BRD3: variants seen among roughly 807,000 people sequenced by gnomAD.
BRD3 encodes the protein bromodomain-containing protein 3.
Under a neutral mutation model 66.8 loss-of-function variants are expected in BRD3, and 17 were observed. The observed-to-expected ratio is 0.25, with a 90% CI of 0.17 to 0.38. The LOEUF (loss-of-function observed/expected upper bound fraction) is 0.38. Ranked by LOEUF, BRD3 falls within the 10% of genes least tolerant of loss-of-function variation. The pLI is 1.00. For synonymous variants in BRD3, 421 were observed against 393.2 expected, an observed-to-expected ratio of 1.07 and a Z score of -0.84; for missense variants, 713 against 956.1, an observed-to-expected ratio of 0.75 and a Z score of 3.35.
chr9:134,042,089 T>C (rs1830061502), intron 7 of BRD3, 138 bp from the exon 8 acceptor site: 1 of 1,017,774 alleles, frequency 9.8e-7, no homozygotes, highest in Non-Finnish European at 1.4e-6. Context: ...GGAGACAGGG[T>C]CCCGCCTGCC....
Position 134,048,235 on chromosome 9 carries a change from G to A in BRD3, c.934C>T (p.Leu312=). 1.2e-6 allele frequency: 2 copies of A among 1,612,348 alleles called. No individual in the cohort carries two copies. Among genetic ancestry groups the A allele is most frequent in the African/African-American group, 1.3e-5 (1 of 75,068 alleles). The change falls in exon 6 of 12, where the codon CTA becomes TTA. Residue 312 remains leucine (L), a synonymous_variant. Coordinates refer to ENST00000303407, the MANE Select transcript of BRD3 (RefSeq NM_007371.4). ...AGKKGKLSEH[L]RYCDSILREM... ...CTGAGGATGCTGTCGCAGTAGCGTA[G>A]GTGCTCCGACAGCTTGCCCTTCTTG... is the stretch of plus-strand genomic sequence containing the variant.
At chr9:134,035,002 G>A (rs1301068820) in intron 10 of BRD3, among the ~76,000 whole-genome samples, 173 bp from the exon 11 acceptor site, 1 of 152,176 alleles carries the variant, frequency 6.6e-6, no homozygotes, top group Non-Finnish European at 1.5e-5. Context: ...GGCTTCGAGT[G>A]GCAGAAATGA....
At chr9:134,055,486 C>T (rs574657399) in intron 1 of BRD3, among the ~76,000 whole-genome samples, 1 of 152,338 alleles carries the variant, frequency 6.6e-6, no homozygotes, top group East Asian at 1.9e-4. Flanking sequence ...GGCCCCCAGG[C>T]AGCACAGACA....
intron 5 of BRD3, among the ~76,000 whole-genome samples, chr9:134,050,036 T>G (rs1224287031): frequency 6.6e-6 from 1 of 152,076 alleles, no homozygotes; most frequent in African/African-American, 2.4e-5. Flanking sequence ...CTCTCCTGAG[T>G]GTGAGCAGGG....
In BRD3 at chr9:134,034,600, G is replaced by T. The variant is rs185561449; in HGVS notation, c.2065+101C>A. 21 of 1,488,276 alleles carry T rather than the reference G, an allele frequency of 1.4e-5. No homozygotes were observed. In the East Asian group the frequency reaches 4.8e-4, roughly 34 times the overall value. The allele number at this position is 1,488,276 out of a possible 1,614,324, so 92.2% of individuals were successfully genotyped here. On this transcript the variant is annotated intron_variant, in intron 11 of 11. Transcript: ENST00000303407. ...CTAAGAACATGGAGCTCATCAGGAGGTAAGCCACACTCAGACGTGGGCCTG... is the reference window on the plus strand; with the variant it reads ...CTAAGAACATGGAGCTCATCAGGAGTTAAGCCACACTCAGACGTGGGCCTG...
rs111678534 is a variant in BRD3, at chr9:134,030,785, G to A, written c.*2805C>T. Reference sequence around the variant, plus strand: ...GCAAGATGACACTGCCCAACACAAAGAGGGGTCTGGAGTTCAGTTCACGCC... The same window carrying A: ...GCAAGATGACACTGCCCAACACAAAAAGGGGTCTGGAGTTCAGTTCACGCC... On this transcript the variant is annotated 3_prime_UTR_variant, in exon 12 of 12. Coordinates refer to ENST00000303407, the MANE Select transcript of BRD3 (RefSeq NM_007371.4). 4.6e-3 allele frequency: 1,080 copies of A among 232,360 alleles called. 15 individuals are homozygous for A. Among genetic ancestry groups the A allele is most frequent in the African/African-American group, 0.023 (1,023 of 45,398 alleles). 14.4% of individuals were successfully genotyped at this position (232,360 alleles called of 1,614,324 possible).
chr9:134,064,040 T>C (rs998614045), intron 1 of BRD3, among the ~76,000 whole-genome samples: 2 of 152,184 alleles, frequency 1.3e-5, no homozygotes, highest in Admixed American at 1.3e-4. Context: ...GGAGGCAGCC[T>C]GCGAACTGAC....
chr9:134,067,443 A>C (rs1375851108), intron 1 of BRD3, among the ~76,000 whole-genome samples: 2 of 148,932 alleles, frequency 1.3e-5, no homozygotes, highest in East Asian at 2.0e-4. Flanking sequence ...AGGCGCGGGG[A>C]AAGTGGCCCC....
chr9:134,066,778 G>A (rs373303058), intron 1 of BRD3, among the ~76,000 whole-genome samples: 3 of 152,214 alleles, frequency 2.0e-5, no homozygotes, highest in South Asian at 2.1e-4. Context: ...TGCAGACAAT[G>A]ACCAAGTTTA....
chr9:134,051,795 A>T, intron 3 of BRD3, 86 bp from the exon 4 acceptor site: 1 of 1,462,270 alleles, frequency 6.8e-7, no homozygotes. Context: ...TCAAAAAAAT[A>T]TTTAAAATTT....
chr9:134,047,713 C>T (rs983253098), intron 6 of BRD3, among the ~76,000 whole-genome samples: 3 of 152,186 alleles, frequency 2.0e-5, no homozygotes, highest in Non-Finnish European at 2.9e-5. Flanking sequence ...CGCCTGTATC[C>T]GGGGCTTGAG....
At chr9:134,046,118 C>A (rs532383849) in intron 6 of BRD3, among the ~76,000 whole-genome samples, 9 of 152,302 alleles carry the variant, frequency 5.9e-5, no homozygotes, top group Non-Finnish European at 1.0e-4. Context: ...AAGCAGAGAA[C>A]TGAGGCCAAG....
In BRD3 at chr9:134,032,016, G is replaced by C. The variant is rs889339606; in HGVS notation, c.*1574C>G. The C allele has an allele frequency of 3.2e-5, 7 of 216,486 alleles. No homozygotes were observed. The highest frequency in any genetic ancestry group is 1.6e-4 in the African/African-American group (7 of 44,308). The allele number at this position is 216,486 out of a possible 1,614,324, so 13.4% of individuals were successfully genotyped here. A position where few individuals can be genotyped will look rare whatever the true frequency, so the allele number is the denominator to read the frequency against. ...TGGGGAGGGCAGACAGGCTCGGGAG[G>C]GCCTGGCCAGGCCACTGGAGGCTGG... On this transcript the variant is annotated 3_prime_UTR_variant, in exon 12 of 12. Coordinates refer to ENST00000303407, the MANE Select transcript of BRD3 (RefSeq NM_007371.4).
At position 134,036,120 on chromosome 9, in the gene BRD3, A is replaced by T. The variant is rs941834319; in HGVS notation, c.1848T>A (p.Ile616=). Residue 616 remains isoleucine, a synonymous_variant, in exon 10 of 12, where the codon ATT becomes ATA. Coordinates refer to ENST00000303407, the MANE Select transcript of BRD3 (RefSeq NM_007371.4). The stretch of plus-strand genomic sequence containing the variant: ...TGGTGGGTTTCAGAGTCTCAAAGTC[A>T]ATTTCTATCTCGTCGGGGTTGGAGT... ...LRDSNPDEIE[I]DFETLKPTTL... is the part of the protein sequence containing the mutation. 7 of 1,614,074 alleles carry T rather than the reference A, an allele frequency of 4.3e-6. No homozygotes were observed. The African/African-American group carries it at 5.3e-5, about 12-fold the overall frequency.
In BRD3 at chr9:134,032,495, CA is replaced by C. The variant is rs1588267775; in HGVS notation, c.*1094del. On this transcript the variant is annotated 3_prime_UTR_variant, in exon 12 of 12. Coordinates refer to ENST00000303407, the MANE Select transcript of BRD3 (RefSeq NM_007371.4). ...AAAAAACCAAAAAACCCAACAAACC[CA>C]GGGGCGAGCGCGCGAACAGACGTGG... The C allele has an allele frequency of 4.4e-6, 1 of 229,540 alleles. No individual in the cohort carries two copies. The allele number at this position is 229,540 out of a possible 1,614,324, so 14.2% of individuals were successfully genotyped here.
intron 1 of BRD3, among the ~76,000 whole-genome samples, chr9:134,059,396 G>C (rs1830491986): frequency 2.0e-5 from 3 of 152,254 alleles, no homozygotes; most frequent in Admixed American, 6.5e-5. Flanking sequence ...CTGTGAGGAA[G>C]TGGGGCAGGG....
At chr9:134,039,102 G>A (rs1000958565) in intron 9 of BRD3, among the ~76,000 whole-genome samples, 3 of 151,806 alleles carry the variant, frequency 2.0e-5, no homozygotes, top group Admixed American at 6.6e-5. Context: ...TGGCCATGCC[G>A]CCTCCCAAAG....
At chr9:134,063,677 C>T (rs1406864383) in intron 1 of BRD3, among the ~76,000 whole-genome samples, 1 of 152,204 alleles carries the variant, frequency 6.6e-6, no homozygotes, top group African/African-American at 2.4e-5. Context: ...CCACAGCTCC[C>T]AGGTACCGAC....
intron 1 of BRD3, 158 bp from the exon 2 acceptor site, chr9:134,053,748 C>T (rs1830353921): frequency 8.3e-6 from 5 of 599,134 alleles, no homozygotes; most frequent in East Asian, 3.2e-5. Context: ...GAGAGGCTGT[C>T]GGGAAAGCTG....
Sources: gnomAD v4.1 joint callset for allele counts (sites outside exome capture counted in the v4.1 genomes callset) on GRCh38, gnomAD v4.1.1 for gene constraint, MANE v1.5 for transcripts, NCBI Gene and HGNC (gene_info 2026-07-23, HGNC 2026-07-21) for gene names.